UBASH3A: variants seen among roughly 807,000 people sequenced by gnomAD.
The protein encoded by UBASH3A is ubiquitin associated and SH3 domain containing A, also known as ubiquitin-associated and SH3 domain-containing protein A.
A neutral mutation model predicts 73.5 loss-of-function variants in UBASH3A; 63 were observed. That is an observed-to-expected ratio of 0.86 (90% CI 0.70 to 1.06). The LOEUF (loss-of-function observed/expected upper bound fraction) is 1.06. Ranked by LOEUF, UBASH3A falls within the 50% of genes least tolerant of loss-of-function variation. UBASH3A has a pLI of 0.00. For missense variants in UBASH3A, 860 were observed against 859.0 expected (o/e 1.00, Z -0.02); for synonymous variants, 363 against 351.1 (o/e 1.03, Z -0.38).
rs556936535 is a variant in UBASH3A, at chr21:42,432,648, T to C, written c.1270+446T>C. ...GTCACAATTTCTAAGCCATGACCCA[T>C]TACATAAATTAAGGCATTGAATGTA... On this transcript the variant is annotated intron_variant, in intron 9 of 14. Coordinates refer to ENST00000319294, the MANE Select transcript of UBASH3A (RefSeq NM_018961.4). Among the ~76,000 whole-genome samples the C allele has an allele frequency of 5.9e-5, 9 of 152,320 alleles. No individual in the cohort carries two copies. In the South Asian group the frequency reaches 1.9e-3, roughly 32 times the overall value.
At chr21:42,417,870 CT>C (rs1296936051) in intron 6 of UBASH3A, among the ~76,000 whole-genome samples, 10 of 119,514 alleles carry the variant, frequency 8.4e-5, no homozygotes, top group African/African-American at 1.3e-4. Flanking sequence ...TTTTTTTTTT[CT>C]TTTTTTCTTT....
intron 8 of UBASH3A, among the ~76,000 whole-genome samples, chr21:42,429,175 G>A (rs1159287278): frequency 3.9e-5 from 6 of 152,212 alleles, no homozygotes; most frequent in African/African-American, 1.4e-4. Flanking sequence ...GGAGCTGGAA[G>A]AAGCAAAGAA....
chr21:42,413,607 A>T lies in UBASH3A; in HGVS notation c.667+84A>T, dbSNP rs1261229705. 3.9e-6 allele frequency: 4 copies of T among 1,037,180 alleles called. No homozygotes were observed. The Admixed American group carries it at 9.5e-5, about 25-fold the overall frequency. The allele number at this position is 1,037,180 out of a possible 1,614,324, so 64.2% of individuals were successfully genotyped here. A position where few individuals can be genotyped will look rare whatever the true frequency, so the allele number is the denominator to read the frequency against. On this transcript the variant is annotated intron_variant, in intron 5 of 14. Coordinates refer to ENST00000319294, the MANE Select transcript of UBASH3A (RefSeq NM_018961.4). The surrounding 1 kb of genome is among the most constrained non-coding windows in gnomAD (Gnocchi z 4.5). ...TTGTTCTCATTATGTGGTTTTTAAA[A>T]TGCTTAGCTATATGCCAACAGCCTG...
intron 10 of UBASH3A, 22 bp from the exon 11 acceptor site, chr21:42,437,466 T>C: frequency 6.2e-7 from 1 of 1,607,998 alleles, no homozygotes; most frequent in Non-Finnish European, 8.5e-7. Flanking sequence ...GGGCATTTTC[T>C]GCCTTTTTCA....
Position 42,432,203 on chromosome 21 carries a change from G to A in UBASH3A, c.1270+1G>A, listed in dbSNP as rs1252536359. On this transcript the variant is annotated splice_donor_variant, in intron 9 of 14. Coordinates refer to ENST00000319294, the MANE Select transcript of UBASH3A (RefSeq NM_018961.4). LOFTEE classifies it high-confidence loss of function. ...CTGCAGCAATGCTCCACTCCTGATGGTAGGTCACACTCAGGCGGGTCTACG... is the reference window on the plus strand; with the variant it reads ...CTGCAGCAATGCTCCACTCCTGATGATAGGTCACACTCAGGCGGGTCTACG... 1.2e-6 allele frequency: 2 copies of A among 1,607,216 alleles called. No individual in the cohort carries two copies. The highest frequency in any genetic ancestry group is 1.3e-5 in the African/African-American group (1 of 74,924).
intron 7 of UBASH3A, among the ~76,000 whole-genome samples, chr21:42,423,460 A>G (rs1342022153): frequency 1.3e-5 from 2 of 152,198 alleles, no homozygotes; most frequent in African/African-American, 2.4e-5. Flanking sequence ...ACCTGATCCA[A>G]TCAACAGTTT....
At chr21:42,425,640 A>T (rs1010967038) in intron 7 of UBASH3A, among the ~76,000 whole-genome samples, 8 of 152,208 alleles carry the variant, frequency 5.3e-5, no homozygotes, top group African/African-American at 1.4e-4. Flanking sequence ...TGGACCTGCC[A>T]TAGTTTATAG....
chr21:42,420,237 T>C (rs1215757341), intron 7 of UBASH3A, among the ~76,000 whole-genome samples: 1 of 152,216 alleles, frequency 6.6e-6, no homozygotes, highest in Non-Finnish European at 1.5e-5. Context: ...AATGCTGTAG[T>C]ATTTACATGC....
chr21:42,432,033 T>A, intron 8 of UBASH3A, 70 bp from the exon 9 acceptor site: 1 of 890,614 alleles, frequency 1.1e-6, no homozygotes, highest in Non-Finnish European at 1.8e-6. Context: ...CTGGGAGAGC[T>A]GCCATTGGTG....
intron 9 of UBASH3A, among the ~76,000 whole-genome samples, chr21:42,432,647 A>G (rs1335842521): frequency 1.3e-5 from 2 of 152,248 alleles, no homozygotes; most frequent in East Asian, 1.9e-4. Context: ...GCCATGACCC[A>G]TTACATAAAT....
chr21:42,429,373 T>C (rs17114896), intron 8 of UBASH3A, among the ~76,000 whole-genome samples: 5,826 of 152,308 alleles, frequency 0.038, 118 homozygotes, highest in African/African-American at 0.051. Flanking sequence ...CCTCATTCCA[T>C]AGATCCCAGG....
At chr21:42,419,525 C>G (rs2053291799) in intron 7 of UBASH3A, among the ~76,000 whole-genome samples, 1 of 152,210 alleles carries the variant, frequency 6.6e-6, no homozygotes, top group Admixed American at 6.5e-5. Flanking sequence ...CCTGGAACAC[C>G]TGTCACATTC....
chr21:42,416,561 CA>C lies in UBASH3A; in HGVS notation c.788del (p.Gln263ArgfsTer19). The C allele has an allele frequency of 6.2e-7, 1 of 1,609,146 alleles. No homozygotes were observed. The highest frequency in any genetic ancestry group is 2.3e-5 in the East Asian group (1 of 44,168). The part of the protein sequence containing the change: ...ARAIPLGHSC[Q>X]WTAALYSRDM... ...AGCCATCCCCCTGGGCCACAGCTGCCAGTGGACCGCAGCACTCTACTCCCGA... is the reference window on the plus strand; with the variant it reads ...AGCCATCCCCCTGGGCCACAGCTGCCGTGGACCGCAGCACTCTACTCCCGA... On this transcript the variant is annotated frameshift_variant, in exon 6 of 15. Coordinates refer to ENST00000319294, the MANE Select transcript of UBASH3A (RefSeq NM_018961.4). LOFTEE classifies it high-confidence loss of function.
chr21:42,406,241 C>T lies in UBASH3A; in HGVS notation c.114-67C>T, dbSNP rs2052973148. On this transcript the variant is annotated intron_variant, in intron 1 of 14. Coordinates refer to ENST00000319294, the MANE Select transcript of UBASH3A (RefSeq NM_018961.4). Reference sequence around the variant, plus strand: ...GATCCTGGGTGTGCAAGGCCACACCCTGCCTCTCTGACCCTTTTCCCAAGA... The same window carrying T: ...GATCCTGGGTGTGCAAGGCCACACCTTGCCTCTCTGACCCTTTTCCCAAGA... 5 of 1,346,266 alleles carry T rather than the reference C, an allele frequency of 3.7e-6. No homozygotes were observed. In the South Asian group the frequency reaches 5.8e-5, roughly 16 times the overall value. 83.4% of individuals were successfully genotyped at this position (1,346,266 alleles called of 1,614,324 possible).
intron 7 of UBASH3A, among the ~76,000 whole-genome samples, chr21:42,422,084 C>T (rs982166097): frequency 5.3e-5 from 8 of 152,060 alleles, no homozygotes; most frequent in African/African-American, 1.7e-4. Context: ...CCCTGGGCTC[C>T]CCCACTAAAC....
rs751930650 is a variant in UBASH3A, at chr21:42,420,484, T to TTTATA, written c.1046+1882_1046+1886dup. Among the ~76,000 whole-genome samples the TTTATA allele has an allele frequency of 9.8e-5, 15 of 152,342 alleles. No homozygotes were observed. The East Asian group carries it at 2.1e-3, about 22-fold the overall frequency. On this transcript the variant is annotated intron_variant, in intron 7 of 14. Coordinates refer to ENST00000319294, the MANE Select transcript of UBASH3A (RefSeq NM_018961.4). ...AGGGCTGACTATACATACATAGTAT[T>TTTATA]TTATATTATATACACATGTATCACA...
intron 2 of UBASH3A, among the ~76,000 whole-genome samples, 164 bp from the exon 3 acceptor site, chr21:42,409,258 C>T (rs1371121527): frequency 1.3e-5 from 2 of 152,248 alleles, no homozygotes; most frequent in Non-Finnish European, 2.9e-5. Context: ...TGCCTCCCAC[C>T]AGTAGGATGG....
At position 42,437,550 on chromosome 21, in the gene UBASH3A, T is replaced by C. The variant is rs1400299231; in HGVS notation, c.1456T>C (p.Cys486Arg). Reference protein sequence around the residue: ...SSVFASPALRCVQTAKLILEE... With the variant: ...SSVFASPALRRVQTAKLILEE... ...TGTGTTTGCCTCCCCAGCCCTCCGC[T>C]GTGTGCAGACGGCCAAACTCATCCT... Residue 486 changes from cysteine (C) to arginine (R), a missense_variant, in exon 11 of 15, where the codon TGT becomes CGT. Physicochemically the swap from Cys to Arg is radical, Grantham distance 180. Transcript: ENST00000319294. 1 of 1,614,232 alleles carries C rather than the reference T, an allele frequency of 6.2e-7. No homozygotes were observed. The highest frequency in any genetic ancestry group is 1.3e-5 in the African/African-American group (1 of 75,062).
Position 42,416,605 on chromosome 21 carries a change from C to T in UBASH3A, c.831C>T (p.His277=), listed in dbSNP as rs2053216011. 3 of 1,580,704 alleles carry T rather than the reference C, an allele frequency of 1.9e-6. No homozygotes were observed. Among genetic ancestry groups the T allele is most frequent in the Admixed American group, 1.8e-5 (1 of 55,496 alleles). ...ALYSRDMRFV[H]YQTLRALFQY... is the part of the protein sequence containing the mutation. ...ACTCCCGAGACATGCGCTTTGTGCACTACCAGGTGAGAGAGCTGAGCAGGG... is the reference window on the plus strand; with the variant it reads ...ACTCCCGAGACATGCGCTTTGTGCATTACCAGGTGAGAGAGCTGAGCAGGG... The change falls in exon 6 of 15, where the codon CAC becomes CAT. Residue 277 remains histidine, a synonymous_variant. Coordinates refer to ENST00000319294, the MANE Select transcript of UBASH3A (RefSeq NM_018961.4).
Sources: gnomAD v4.1 joint callset for allele counts (sites outside exome capture counted in the v4.1 genomes callset) on GRCh38, gnomAD v4.1.1 for gene constraint, Gnocchi (gnomAD v3.1) non-coding constraint, MANE v1.5 for transcripts, NCBI Gene and HGNC (gene_info 2026-07-23, HGNC 2026-07-21) for gene names.